The following GABRA5 variants were observed in gnomAD, a reference collection of about 807,000 sequenced individuals.
GABRA5 encodes the protein gamma-aminobutyric acid receptor subunit alpha-5.
In GABRA5, 18 loss-of-function variants were observed where a neutral mutation model predicts 47.3. The ratio of observed to expected loss-of-function variants is 0.38; its 90% CI spans 0.26 to 0.56. The LOEUF (loss-of-function observed/expected upper bound fraction) is 0.56. Ranked by LOEUF, GABRA5 falls within the 20% of genes least tolerant of loss-of-function variation. The probability of loss-of-function intolerance (pLI) is 0.71; values close to 1 mark genes in which losing one functional copy is unlikely to be tolerated. For missense variants in GABRA5, 365 were observed against 599.3 expected (o/e 0.61, Z 4.08); for synonymous variants, 237 against 229.3 (o/e 1.03, Z -0.30).
chr15:26,941,211 G>T (rs990263304), intron 9 of GABRA5, among the ~76,000 whole-genome samples: 6 of 152,122 alleles, frequency 3.9e-5, no homozygotes, highest in African/African-American at 1.2e-4. Flanking sequence ...GCCAGGCAGT[G>T]CTCCCCAAGT....
At position 26,931,766 on chromosome 15, in the gene GABRA5, C is replaced by T. The variant is rs17143732; in HGVS notation, c.581-5419C>T. ...AGGATTTGAATGGAAAGAGGTATAA[C>T]GGAAAACAGAACAAAACACAAATGG... is the stretch of plus-strand genomic sequence containing the variant. On this transcript the variant is annotated intron_variant, in intron 7 of 10. Coordinates refer to ENST00000335625, the MANE Select transcript of GABRA5 (RefSeq NM_000810.4). Among the ~76,000 whole-genome samples the T allele has an allele frequency of 9.5e-3, 1,445 of 152,146 alleles. 19 individuals carry two copies. The highest frequency in any genetic ancestry group is 0.033 in the African/African-American group (1,364 of 41,488).
intron 6 of GABRA5, among the ~76,000 whole-genome samples, chr15:26,899,708 T>C (rs1351218078): frequency 6.6e-6 from 1 of 152,214 alleles, no homozygotes; most frequent in East Asian, 1.9e-4. Context: ...AAATTTTGTC[T>C]TAAAGTTCTC....
At chr15:26,905,587 C>T (rs572221631) in intron 6 of GABRA5, among the ~76,000 whole-genome samples, 2 of 151,868 alleles carry the variant, frequency 1.3e-5, no homozygotes, top group South Asian at 2.1e-4. Flanking sequence ...TTCTTTTTCT[C>T]TTGTTCTGGG....
At chr15:26,887,479 G>A (rs180867581) in intron 6 of GABRA5, among the ~76,000 whole-genome samples, 1 of 152,100 alleles carries the variant, frequency 6.6e-6, no homozygotes, top group African/African-American at 2.4e-5. Flanking sequence ...ACAGGTGCTT[G>A]CCACCATGCC....
At chr15:26,930,830 C>T (rs975301737) in intron 7 of GABRA5, among the ~76,000 whole-genome samples, 1 of 151,580 alleles carries the variant, frequency 6.6e-6, no homozygotes, top group Non-Finnish European at 1.5e-5. Context: ...GCACCCCAGT[C>T]TTGGTGCCAA....
chr15:26,883,639 C>T lies in GABRA5; in HGVS notation c.497+82C>T. The T allele has an allele frequency of 8.8e-7, 1 of 1,136,428 alleles. No homozygotes were observed. Among genetic ancestry groups the T allele is most frequent in the Non-Finnish European group, 1.2e-6 (1 of 824,958 alleles). The allele number at this position is 1,136,428 out of a possible 1,614,324, so 70.4% of individuals were successfully genotyped here. ...GCCCATCCTGCCGCAAGAGCTGCGC[C>T]GCGGAGCTGTTCTGACCATAGGTCT... On this transcript the variant is annotated intron_variant, in intron 6 of 10. Transcript: ENST00000335625. This position sits in a 1 kb window ranked among gnomAD's most constrained non-coding sequence, Gnocchi z 4.8.
intron 7 of GABRA5, among the ~76,000 whole-genome samples, chr15:26,926,953 A>G (rs948934960): frequency 1.3e-5 from 2 of 152,200 alleles, no homozygotes; most frequent in African/African-American, 4.8e-5. Flanking sequence ...CAAAGCTAAA[A>G]TACTCATTCA....
At chr15:26,927,134 C>G (rs535888459) in intron 7 of GABRA5, among the ~76,000 whole-genome samples, 1 of 151,396 alleles carries the variant, frequency 6.6e-6, no homozygotes, top group African/African-American at 2.4e-5. Flanking sequence ...GACAGAGTCT[C>G]ACACTCTCAC....
chr15:26,907,473 C>CA (rs1355081639), intron 6 of GABRA5, among the ~76,000 whole-genome samples: 1 of 152,178 alleles, frequency 6.6e-6, no homozygotes, highest in Non-Finnish European at 1.5e-5. Flanking sequence ...TTATGACAGG[C>CA]AAAATCTTGC....
At chr15:26,923,917 T>C (rs1209991583) in intron 7 of GABRA5, among the ~76,000 whole-genome samples, 1 of 152,126 alleles carries the variant, frequency 6.6e-6, no homozygotes, top group Non-Finnish European at 1.5e-5. Context: ...CTTCTATTTT[T>C]TTTTCTATAG....
chr15:26,942,101 T>A (rs1894398435), intron 9 of GABRA5, among the ~76,000 whole-genome samples: 1 of 152,210 alleles, frequency 6.6e-6, no homozygotes, highest in Non-Finnish European at 1.5e-5. Context: ...CCAGCAGGCC[T>A]GGCTCCCAGT....
intron 4 of GABRA5, among the ~76,000 whole-genome samples, chr15:26,881,714 T>A (rs1892732798): frequency 6.6e-6 from 1 of 152,138 alleles, no homozygotes; most frequent in African/African-American, 2.4e-5. Flanking sequence ...TTTTTTTTTA[T>A]TTGAGATGGA....
intron 6 of GABRA5, among the ~76,000 whole-genome samples, chr15:26,894,112 C>T (rs1486449311): frequency 6.6e-6 from 1 of 152,134 alleles, no homozygotes; most frequent in Non-Finnish European, 1.5e-5. Flanking sequence ...TGGAGCGCAG[C>T]GGCCCGGGCA....
intron 7 of GABRA5, among the ~76,000 whole-genome samples, chr15:26,932,956 C>T (rs12906491): frequency 4.6e-5 from 7 of 151,932 alleles, no homozygotes; most frequent in Non-Finnish European, 8.8e-5. Flanking sequence ...TGGGGTAGTG[C>T]GGGGAGGGAG....
At chr15:26,882,203 G>A (rs2140254243) in intron 4 of GABRA5, among the ~76,000 whole-genome samples, 1 of 152,256 alleles carries the variant, frequency 6.6e-6, no homozygotes, top group African/African-American at 2.4e-5. Context: ...AGTGCTTGTG[G>A]TATTCTCTCA....
intron 8 of GABRA5, chr15:26,939,433 G>GC: frequency 1.3e-6 from 1 of 764,558 alleles, no homozygotes; most frequent in Non-Finnish European, 2.4e-6. Context: ...CTGAGCTGCT[G>GC]CATCTCACTC....
intron 7 of GABRA5, among the ~76,000 whole-genome samples, chr15:26,928,953 C>T (rs757490233): frequency 2.0e-5 from 3 of 152,162 alleles, no homozygotes; most frequent in Non-Finnish European, 4.4e-5. Context: ...GGGCTCCATC[C>T]TCATAACATA....
chr15:26,922,002 T>C (rs1180195635), intron 7 of GABRA5, among the ~76,000 whole-genome samples: 1 of 152,158 alleles, frequency 6.6e-6, no homozygotes, highest in Non-Finnish European at 1.5e-5. Context: ...CATTGTTTTA[T>C]GCACAATATG....
chr15:26,884,238 T>C (rs1892820150), intron 6 of GABRA5, among the ~76,000 whole-genome samples: 1 of 152,008 alleles, frequency 6.6e-6, no homozygotes, highest in Non-Finnish European at 1.5e-5. Context: ...TTTGTTGCAA[T>C]TGTGTAGCCT....
Sources: allele counts gnomAD v4.1 joint callset (sites outside exome capture counted in the v4.1 genomes callset), GRCh38; gene constraint gnomAD v4.1.1; non-coding constraint Gnocchi (gnomAD v3.1); transcripts MANE v1.5; gene names NCBI Gene and HGNC (gene_info 2026-07-23, HGNC 2026-07-21).